TENM1: variants seen among roughly 807,000 people sequenced by gnomAD.
The protein encoded by TENM1 is teneurin transmembrane protein 1, also known as teneurin-1.
Under a neutral mutation model 174.8 loss-of-function variants are expected in TENM1, and 35 were observed. The observed-to-expected ratio is 0.20, with a 90% CI of 0.15 to 0.27. The LOEUF (loss-of-function observed/expected upper bound fraction) is 0.27, where lower values mean the gene tolerates loss of function less well. Ranked by LOEUF, TENM1 falls within the 10% of genes least tolerant of loss-of-function variation. The probability of loss-of-function intolerance (pLI) is 1.00; values close to 1 mark genes in which losing one functional copy is unlikely to be tolerated. For missense variants in TENM1, 1,633 were observed against 2,130.1 expected (o/e 0.77, Z 4.59); for synonymous variants, 781 against 798.7 (o/e 0.98, Z 0.37).
the TENM1 span, among the ~76,000 whole-genome samples, chrX:125,198,259 G>T: frequency 6.3e-5 from 7 of 111,825 alleles, no homozygotes; most frequent in Non-Finnish European, 3.8e-5. Context: ...CATAGATATT[G>T]TAATAAGACT....
intron 23 of TENM1, among the ~76,000 whole-genome samples, chrX:124,425,007 T>C (rs1423082052): frequency 8.9e-6 from 1 of 111,736 alleles, no homozygotes; most frequent in Non-Finnish European, 1.9e-5. Flanking sequence ...TATTTCTTTA[T>C]AGCAGTGTAA....
intron 5 of TENM1, among the ~76,000 whole-genome samples, chrX:124,681,939 C>T (rs1257301981): frequency 9.0e-6 from 1 of 111,717 alleles, no homozygotes; most frequent in Non-Finnish European, 1.9e-5. Context: ...AAGTCATTGA[C>T]TCATTGAATT....
intron 1 of TENM1, among the ~76,000 whole-genome samples, chrX:124,931,871 G>GCACACA (rs34069865): frequency 3.2e-3 from 330 of 102,071 alleles, no homozygotes; most frequent in African/African-American, 0.011. Context: ...CCAAGCGCAC[G>GCACACA]CACACACACA....
At chrX:124,951,639 AAT>A (rs1156297240) in intron 1 of TENM1, among the ~76,000 whole-genome samples, 12 of 63,017 alleles carry the variant, frequency 1.9e-4, no homozygotes, top group Admixed American at 1.4e-3. Flanking sequence ...GAAAAGTTAA[AAT>A]ATATATATAT....
the TENM1 span, among the ~76,000 whole-genome samples, chrX:125,079,854 G>A: frequency 9.0e-6 from 1 of 111,669 alleles, no homozygotes; most frequent in African/African-American, 3.2e-5. Flanking sequence ...GAGGCTATAA[G>A]GAATCATGAG....
At chrX:125,132,984 T>G in the TENM1 span, among the ~76,000 whole-genome samples, 1,050 of 111,150 alleles carry the variant, frequency 9.4e-3, 15 homozygotes, top group African/African-American at 0.032. Context: ...TTCTTTTTTT[T>G]CTTTCTTTTT....
exon 24 of TENM1, chrX:124,422,525 G>A (rs780736152): frequency 6.9e-5 from 84 of 1,209,169 alleles, no homozygotes; most frequent in African/African-American, 1.2e-4. Context: ...GGCGTCCTGC[G>A]ATGATCCGAA....
chrX:124,846,003 T>C (rs1017414762), intron 3 of TENM1, among the ~76,000 whole-genome samples: 1 of 110,768 alleles, frequency 9.0e-6, no homozygotes, highest in African/African-American at 3.3e-5. Flanking sequence ...GGGAGGCTAC[T>C]ATGGAATTTC....
the TENM1 span, among the ~76,000 whole-genome samples, chrX:125,114,431 G>GA: frequency 0.18 from 20,244 of 109,749 alleles, 2,452 homozygotes; most frequent in African/African-American, 0.44. Flanking sequence ...AAAAACCTTC[G>GA]AAAAAATCAA....
chrX:124,810,520 A>T (rs2147264582), intron 3 of TENM1, among the ~76,000 whole-genome samples: 1 of 111,820 alleles, frequency 8.9e-6, no homozygotes, highest in African/African-American at 3.2e-5. Context: ...CACAATGAAA[A>T]CTATAAAACC....
intron 3 of TENM1, among the ~76,000 whole-genome samples, chrX:124,828,800 A>G: frequency 8.9e-6 from 1 of 112,224 alleles, no homozygotes; most frequent in East Asian, 2.8e-4. Context: ...TTCCAGCTAA[A>G]CACAAGAAAG....
In TENM1 at chrX:124,481,724, T is replaced by TATATA; in HGVS notation, c.3949+7_3949+8insTATAT. On this transcript the variant is annotated splice_region_variant and intron_variant, in intron 22 of 31. Transcript: ENST00000422452. ...ATATATATATATATTTATTTATTTA[T>TATATA]TTTTTACCTCGAGGGCTATTCAGTG... 2 of 691,520 alleles carry TATATA rather than the reference T, an allele frequency of 2.9e-6. No homozygotes were observed. The highest frequency in any genetic ancestry group is 3.5e-5 in the East Asian group (1 of 28,978). 57.0% of individuals were successfully genotyped at this position (691,520 alleles called of 1,213,427 possible).
intron 6 of TENM1, among the ~76,000 whole-genome samples, chrX:124,670,704 C>T (rs964424811): frequency 9.0e-6 from 1 of 111,006 alleles, no homozygotes; most frequent in African/African-American, 3.3e-5. Context: ...AAACAACCCC[C>T]CCGCCACCAC....
intron 11 of TENM1, among the ~76,000 whole-genome samples, chrX:124,629,542 T>C: frequency 8.9e-6 from 1 of 112,642 alleles, no homozygotes; most frequent in South Asian, 3.7e-4. Context: ...TATAATTTAG[T>C]GCCCACTATG....
At chrX:124,991,056 T>C in the TENM1 span, among the ~76,000 whole-genome samples, 2 of 111,688 alleles carry the variant, frequency 1.8e-5, no homozygotes, top group African/African-American at 6.5e-5. Flanking sequence ...AGATTTCCTA[T>C]AGACAGACTG....
At chrX:124,384,880 A>G (rs1469713717) in intron 29 of TENM1, 26 bp from the exon 33 acceptor site, 1 of 1,177,653 alleles carries the variant, frequency 8.5e-7, no homozygotes, top group East Asian at 3.0e-5. Flanking sequence ...CAAAAACAGT[A>G]AGAAGCTAGG....
rs2061068451 is a variant in TENM1, at chrX:124,453,573, C to A, written c.3950-82G>T. The A allele has an allele frequency of 1.1e-5, 10 of 935,129 alleles. No homozygotes were observed. In the South Asian group the frequency reaches 1.8e-4, roughly 17 times the overall value. The allele number at this position is 935,129 out of a possible 1,213,427, so 77.1% of individuals were successfully genotyped here. A position where few individuals can be genotyped will look rare whatever the true frequency, so the allele number is the denominator to read the frequency against. On this transcript the variant is annotated intron_variant, in intron 22 of 31. Transcript: ENST00000422452. Reference sequence around the variant, plus strand: ...CTCTGTATTTTGAAAAAAGCCATAGCAATGGAAAGGCATTTTAAAGACATA... The same window carrying A: ...CTCTGTATTTTGAAAAAAGCCATAGAAATGGAAAGGCATTTTAAAGACATA...
chrX:124,883,188 C>T (rs1267374492), intron 3 of TENM1, among the ~76,000 whole-genome samples: 1 of 111,406 alleles, frequency 9.0e-6, no homozygotes, highest in Non-Finnish European at 1.9e-5. Flanking sequence ...GTTGCTCCTT[C>T]TAATTTTTTT....
intron 5 of TENM1, among the ~76,000 whole-genome samples, chrX:124,672,430 T>C (rs2051947999): frequency 9.0e-6 from 1 of 111,602 alleles, no homozygotes; most frequent in African/African-American, 3.3e-5. Context: ...ATCAGAAGAT[T>C]AAAAAGTACC....
Sources: gnomAD v4.1 joint callset for allele counts (sites outside exome capture counted in the v4.1 genomes callset) on GRCh38, gnomAD v4.1.1 for gene constraint, MANE v1.5 for transcripts, NCBI Gene and HGNC (gene_info 2026-07-23, HGNC 2026-07-21) for gene names.